Variants in IL16 observed in about 807,000 individuals in gnomAD.
IL16 encodes interleukin 16, also known as pro-interleukin-16.
Under a neutral mutation model 110.1 loss-of-function variants are expected in IL16, and 67 were observed. The observed-to-expected ratio is 0.61, with a 90% CI of 0.50 to 0.75. IL16 has a LOEUF of 0.75. Among genes scored for constraint, IL16 ranks in the 30% least tolerant of loss-of-function variants. The pLI, the probability that IL16 is intolerant of heterozygous loss-of-function variation, is 0.00. For missense variants in IL16, 1,545 were observed against 1,655.0 expected, an observed-to-expected ratio of 0.93 and a Z score of 1.15; for synonymous variants, 689 against 662.9, an observed-to-expected ratio of 1.04 and a Z score of -0.61.
intron 18 of IL16, among the ~76,000 whole-genome samples, chr15:81,307,401 G>C (rs1257978178): frequency 6.6e-6 from 1 of 152,182 alleles, no homozygotes; most frequent in Non-Finnish European, 1.5e-5. Context: ...GGGACTCTTA[G>C]CTCTGTCCCT....
intron 17 of IL16, 110 bp from the exon 18 acceptor site, chr15:81,306,310 G>A: frequency 2.0e-6 from 3 of 1,531,628 alleles, no homozygotes; most frequent in East Asian, 2.3e-5. Flanking sequence ...GTTTACATGT[G>A]CCTGTGTGCA....
exon 1 of IL16, chr15:81,182,720 C>G (rs539793624): frequency 7.9e-5 from 31 of 393,348 alleles, no homozygotes; most frequent in Admixed American, 3.2e-5. Flanking sequence ...ACAGTTCTAA[C>G]GAGGAGTTAC....
rs749819947 is a variant in IL16, at chr15:81,285,919, G to C, written c.1332+89G>C. The C allele has an allele frequency of 6.3e-6, 9 of 1,419,342 alleles. No homozygotes were observed. In the Admixed American group the frequency reaches 7.3e-5, roughly 12 times the overall value. 87.9% of individuals were successfully genotyped at this position (1,419,342 alleles called of 1,614,324 possible). ...AGAAATAGATGAAAACAGAGATGTTGCTGGCTGGGTTTGTACCTGAATTCC... is the reference window on the plus strand; with the variant it reads ...AGAAATAGATGAAAACAGAGATGTTCCTGGCTGGGTTTGTACCTGAATTCC... On this transcript the variant is annotated intron_variant, in intron 10 of 18. Transcript: ENST00000683961.
chr15:81,302,672 A>G (rs1900346636), intron 15 of IL16, among the ~76,000 whole-genome samples: 1 of 152,218 alleles, frequency 6.6e-6, no homozygotes, highest in Non-Finnish European at 1.5e-5. Context: ...AGGTACAAAC[A>G]GGTGCCCCAA....
Position 81,308,917 on chromosome 15 carries a change from C to G in IL16, c.*119C>G, listed in dbSNP as rs1201084905. The G allele has an allele frequency of 1.1e-6, 1 of 874,594 alleles. No homozygotes were observed. Among genetic ancestry groups the G allele is most frequent in the Non-Finnish European group, 1.7e-6 (1 of 579,490 alleles). The allele number at this position is 874,594 out of a possible 1,614,324, so 54.2% of individuals were successfully genotyped here. ...GATGGGGGAAAGCACAGGTGGGCTT[C>G]CCAGTGGCTGCTGCCCAGGCCCAGA... On this transcript the variant is annotated 3_prime_UTR_variant, in exon 19 of 19. Coordinates refer to ENST00000683961, the MANE Select transcript of IL16 (RefSeq NM_172217.5).
chr15:81,247,040 C>T (rs548559411), intron 2 of IL16, among the ~76,000 whole-genome samples: 1 of 149,146 alleles, frequency 6.7e-6, no homozygotes, highest in Admixed American at 6.6e-5. Context: ...CCCCTTTCAA[C>T]CCTCATTTTA....
intron 4 of IL16, among the ~76,000 whole-genome samples, chr15:81,267,148 G>A (rs1898418174): frequency 6.6e-6 from 1 of 152,186 alleles, no homozygotes; most frequent in Admixed American, 6.5e-5. Context: ...CTTCCTGGGG[G>A]AAGCTGCTTC....
chr15:81,258,544 T>C (rs1009411062), intron 2 of IL16, among the ~76,000 whole-genome samples: 3 of 151,822 alleles, frequency 2.0e-5, no homozygotes, highest in Non-Finnish European at 4.4e-5. Flanking sequence ...CTACAAAAAA[T>C]ACATAAACTA....
chr15:81,201,808 G>A (rs1021046180), intron 1 of IL16, among the ~76,000 whole-genome samples: 2 of 152,010 alleles, frequency 1.3e-5, no homozygotes, highest in Admixed American at 6.6e-5. Context: ...ATTTATTCTA[G>A]CATCAGACAC....
Position 81,278,956 on chromosome 15 carries a change from G to A in IL16, c.864+66G>A. ...TTCAGGCAAAGAAACCAAGCTCTCAGCATCCAAACCTACAAATTCAAACTG... is the reference window on the plus strand; with the variant it reads ...TTCAGGCAAAGAAACCAAGCTCTCAACATCCAAACCTACAAATTCAAACTG... On this transcript the variant is annotated intron_variant, in intron 7 of 18. Coordinates refer to ENST00000683961, the MANE Select transcript of IL16 (RefSeq NM_172217.5). The A allele has an allele frequency of 1.0e-5, 11 of 1,061,032 alleles. No homozygotes were observed. The South Asian group carries it at 1.3e-4, about 12-fold the overall frequency. 65.7% of individuals were successfully genotyped at this position (1,061,032 alleles called of 1,614,324 possible).
At chr15:81,301,223 T>A in intron 14 of IL16, 121 bp from the exon 15 acceptor site, 1 of 732,960 alleles carries the variant, frequency 1.4e-6, no homozygotes, top group Non-Finnish European at 2.2e-6. Context: ...ATAGATTTGT[T>A]GCATCAAATA....
At chr15:81,204,786 A>G (rs1895954115) in intron 1 of IL16, among the ~76,000 whole-genome samples, 1 of 151,790 alleles carries the variant, frequency 6.6e-6, no homozygotes, top group East Asian at 1.9e-4. Flanking sequence ...TTTGGAAGGC[A>G]TTGGAAGCAG....
In IL16 at chr15:81,303,593, T is replaced by G. The variant is rs199586756; in HGVS notation, c.3363T>G (p.Gly1121=). 1.1e-4 allele frequency: 172 copies of G among 1,614,118 alleles called. No individual in the cohort carries two copies. The highest frequency in any genetic ancestry group is 4.6e-5 in the Non-Finnish European group (54 of 1,179,956). Residue 1121 remains glycine (G), a synonymous_variant, in exon 16 of 19, where the codon GGT becomes GGG. Coordinates refer to ENST00000683961, the MANE Select transcript of IL16 (RefSeq NM_172217.5). The surrounding 1 kb of genome is among the most constrained non-coding windows in gnomAD (Gnocchi z 4.1). The part of the protein sequence containing the change: ...IHVTILHKEE[G]AGLGFSLAGG... ...TCACCATCTTACACAAGGAGGAAGG[T>G]GCTGGTCTTGGGTTCAGCTTGGCAG...
intron 5 of IL16, 44 bp downstream of exon 5, chr15:81,269,692 C>G: frequency 7.2e-7 from 1 of 1,388,860 alleles, no homozygotes. Flanking sequence ...GGGGGCAGCA[C>G]CAGTCTCCAA....
chr15:81,304,059 C>T (rs11634770), intron 16 of IL16, among the ~76,000 whole-genome samples: 15,743 of 152,194 alleles, frequency 0.1, 842 homozygotes, highest in Middle Eastern at 0.19. Context: ...GTGCTGGGCT[C>T]ATTTGAATTT....
In IL16 at chr15:81,230,202, T is replaced by C. The variant is rs149507655; in HGVS notation, c.312+4491T>C. Among the ~76,000 whole-genome samples, 719 of 152,280 alleles carry C rather than the reference T, an allele frequency of 4.7e-3. 1 individual carries two copies. The highest frequency in any genetic ancestry group is 0.024 in the Middle Eastern group (7 of 294). On this transcript the variant is annotated intron_variant, in intron 2 of 18. Transcript: ENST00000683961. Reference sequence around the variant, plus strand: ...ATGTCAAAAGTCAGGCTTCCTAAGTTAATAAACAAAAGCAAATACAATTTA... The same window carrying C: ...ATGTCAAAAGTCAGGCTTCCTAAGTCAATAAACAAAAGCAAATACAATTTA...
intron 1 of IL16, among the ~76,000 whole-genome samples, chr15:81,220,921 C>T (rs1414423727): frequency 6.6e-6 from 1 of 152,098 alleles, no homozygotes; most frequent in Non-Finnish European, 1.5e-5. Flanking sequence ...AGGAACTATC[C>T]ATTTCTTTTC....
At position 81,313,402 on chromosome 15, in the gene IL16, C is replaced by T; in HGVS notation, c.*4604C>T. On this transcript the variant is annotated 3_prime_UTR_variant, in exon 19 of 19. Coordinates refer to ENST00000683961, the MANE Select transcript of IL16 (RefSeq NM_172217.5). ...GTGACCAGGTTGGTCTTGGTGGGTT[C>T]CCTGTGAAGGCAACAGCAGAGCTGT... 3.2e-6 allele frequency: 5 copies of T among 1,538,838 alleles called. No individual in the cohort carries two copies. The highest frequency in any genetic ancestry group is 1.4e-5 in the African/African-American group (1 of 71,862).
intron 12 of IL16, among the ~76,000 whole-genome samples, chr15:81,295,074 C>A (rs1305932723): frequency 6.6e-6 from 1 of 152,188 alleles, no homozygotes; most frequent in African/African-American, 2.4e-5. Context: ...AAAAAACTAA[C>A]ATCCCTCTTA....
Sources: allele counts gnomAD v4.1 joint callset (sites outside exome capture counted in the v4.1 genomes callset), GRCh38; gene constraint gnomAD v4.1.1; non-coding constraint Gnocchi (gnomAD v3.1); transcripts MANE v1.5; gene names NCBI Gene and HGNC (gene_info 2026-07-23, HGNC 2026-07-21).